The following AQP9 variants were observed in gnomAD, a reference collection of about 807,000 sequenced individuals.
The protein encoded by AQP9 is aquaporin-9.
Under a neutral mutation model 23.8 loss-of-function variants are expected in AQP9, and 19 were observed. The ratio of observed to expected loss-of-function variants is 0.80; its 90% CI spans 0.56 to 1.17. The LOEUF (loss-of-function observed/expected upper bound fraction) is 1.17. AQP9 is among the 50% of genes most tolerant of loss of function. The probability of loss-of-function intolerance (pLI) is 0.00; values close to 1 mark genes in which losing one functional copy is unlikely to be tolerated. For missense variants in AQP9, 413 were observed against 362.0 expected (o/e 1.14, Z -1.14); for synonymous variants, 153 against 131.5 (o/e 1.16, Z -1.12).
At chr15:58,181,600 CAGAA>C (rs2140636446) in intron 5 of AQP9, among the ~76,000 whole-genome samples, 1 of 152,194 alleles carries the variant, frequency 6.6e-6, no homozygotes, top group East Asian at 1.9e-4. Flanking sequence ...TGGAAGGGTG[CAGAA>C]AGAAAGTTGG....
intron 3 of AQP9, among the ~76,000 whole-genome samples, chr15:58,173,846 A>G (rs566325849): frequency 2.0e-5 from 3 of 152,214 alleles, no homozygotes; most frequent in Non-Finnish European, 4.4e-5. Context: ...AGGCCTTTCA[A>G]ACTAAAACAC....
intron 2 of AQP9, among the ~76,000 whole-genome samples, chr15:58,167,386 G>A (rs1278378767): frequency 1.3e-5 from 2 of 152,186 alleles, no homozygotes; most frequent in African/African-American, 2.4e-5. Flanking sequence ...GAAATGATCT[G>A]GTTACCAAAG....
chr15:58,138,868 A>G (rs1897904188), intron 1 of AQP9, 192 bp downstream of exon 1: 2 of 533,094 alleles, frequency 3.8e-6, no homozygotes, highest in East Asian at 3.2e-5. Flanking sequence ...TCAATTACCT[A>G]TTGCATTTAC....
Position 58,179,127 on chromosome 15 carries a change from G to A in AQP9, c.496-1G>A, listed in dbSNP as rs1285740874. On this transcript the variant is annotated splice_acceptor_variant, in intron 4 of 5. Coordinates refer to ENST00000219919, the MANE Select transcript of AQP9 (RefSeq NM_020980.5). LOFTEE classifies it high-confidence loss of function. Reference sequence around the variant, plus strand: ...CCCTGGCTCAACTTCTCCCTCTCCAGGTGGTGGCCACCATGATACTCCTCA... The same window carrying A: ...CCCTGGCTCAACTTCTCCCTCTCCAAGTGGTGGCCACCATGATACTCCTCA... 1 of 1,605,828 alleles carries A rather than the reference G, an allele frequency of 6.2e-7. No homozygotes were observed. The highest frequency in any genetic ancestry group is 8.5e-7 in the Non-Finnish European group (1 of 1,172,502).
chr15:58,158,755 A>T (rs1898314342), intron 1 of AQP9, among the ~76,000 whole-genome samples: 1 of 152,234 alleles, frequency 6.6e-6, no homozygotes, highest in African/African-American at 2.4e-5. Flanking sequence ...CACAAAAGGT[A>T]GATAGAAGAC....
At chr15:58,173,449 C>T (rs558977247) in intron 3 of AQP9, among the ~76,000 whole-genome samples, 9 of 152,144 alleles carry the variant, frequency 5.9e-5, no homozygotes, top group Admixed American at 1.3e-4. Flanking sequence ...TTGTGCCAAG[C>T]CAGCACTGCA....
chr15:58,151,095 C>T (rs760862149), intron 1 of AQP9: 2 of 152,088 alleles, frequency 1.3e-5, no homozygotes, highest in Non-Finnish European at 2.9e-5. Context: ...GAATATTAGT[C>T]TATCAATCCC....
intron 5 of AQP9, among the ~76,000 whole-genome samples, chr15:58,180,198 G>A (rs1898851032): frequency 6.6e-6 from 1 of 152,158 alleles, no homozygotes; most frequent in African/African-American, 2.4e-5. Context: ...CTATGGGGAA[G>A]GAGCTCACTT....
chr15:58,175,978 G>T (rs755270546), intron 4 of AQP9, among the ~76,000 whole-genome samples: 3 of 152,198 alleles, frequency 2.0e-5, no homozygotes, highest in African/African-American at 7.2e-5. Flanking sequence ...GATCCAAGAT[G>T]CAGAGTCTGA....
intron 1 of AQP9, among the ~76,000 whole-genome samples, chr15:58,148,935 C>T (rs1466890868): frequency 6.6e-6 from 1 of 152,140 alleles, no homozygotes; most frequent in Non-Finnish European, 1.5e-5. Flanking sequence ...CGCCTCTTTT[C>T]AAGTACAGCT....
chr15:58,173,346 G>T (rs780421210), intron 3 of AQP9, 141 bp downstream of exon 3: 1 of 1,244,580 alleles, frequency 8.0e-7, no homozygotes, highest in Non-Finnish European at 1.1e-6. Flanking sequence ...TTGAGAAAAT[G>T]AGGCCATATT....
At chr15:58,167,209 T>G (rs1416768019) in intron 2 of AQP9, among the ~76,000 whole-genome samples, 1 of 152,122 alleles carries the variant, frequency 6.6e-6, no homozygotes, top group African/African-American at 2.4e-5. Flanking sequence ...AGAGTCTGGG[T>G]CTCTTGCAAA....
intron 2 of AQP9, among the ~76,000 whole-genome samples, chr15:58,171,459 G>A (rs1331558217): frequency 4.6e-5 from 7 of 152,100 alleles, no homozygotes; most frequent in Non-Finnish European, 1.0e-4. Flanking sequence ...AAGCCTCTGG[G>A]AGAAGAGAAA....
At chr15:58,167,999 A>T (rs1268084489) in intron 2 of AQP9, among the ~76,000 whole-genome samples, 4 of 151,988 alleles carry the variant, frequency 2.6e-5, no homozygotes, top group African/African-American at 9.7e-5. Context: ...TGCTGGGATT[A>T]CAAGTGTAAG....
rs1898775483 is a variant in AQP9, at chr15:58,177,062, G to C, written c.495+2026G>C. ...TAACCGTCAGCAAACCCTGAATGCT[G>C]TCCGTATTCTTAGGCTTTGGAGAGA... On this transcript the variant is annotated intron_variant, in intron 4 of 5. Transcript: ENST00000219919. 2.0e-5 allele frequency among the ~76,000 whole-genome samples: 3 copies of C among 152,268 alleles called. No homozygotes were observed. In the South Asian group the frequency reaches 6.2e-4, roughly 32 times the overall value.
chr15:58,165,781 C>T (rs959043447), intron 1 of AQP9, among the ~76,000 whole-genome samples: 1 of 152,126 alleles, frequency 6.6e-6, no homozygotes, highest in African/African-American at 2.4e-5. Flanking sequence ...CCTCTACCAG[C>T]TGAAGATTGT....
At chr15:58,151,505 A>T (rs1898149030) in intron 1 of AQP9, 1 of 151,822 alleles carries the variant, frequency 6.6e-6, no homozygotes, top group Non-Finnish European at 1.5e-5. Flanking sequence ...CACTAACATC[A>T]CCCCTTCTAA....
chr15:58,179,112 A>C lies in AQP9; in HGVS notation c.496-16A>C. ...GAATGCAGGCTAAAGCCCTGGCTCA[A>C]CTTCTCCCTCTCCAGGTGGTGGCCA... On this transcript the variant is annotated splice_polypyrimidine_tract_variant and intron_variant, in intron 4 of 5. Transcript: ENST00000219919. 2 of 1,577,544 alleles carry C rather than the reference A, an allele frequency of 1.3e-6. No homozygotes were observed. Among genetic ancestry groups the C allele is most frequent in the South Asian group, 1.1e-5 (1 of 90,308 alleles).
intron 1 of AQP9, among the ~76,000 whole-genome samples, chr15:58,143,872 G>A (rs1261501303): frequency 6.6e-6 from 1 of 152,126 alleles, no homozygotes; most frequent in Non-Finnish European, 1.5e-5. Context: ...GGACCTGGTG[G>A]TCCTAGGGTA....
Sources: gnomAD v4.1 joint callset for allele counts (sites outside exome capture counted in the v4.1 genomes callset) on GRCh38, gnomAD v4.1.1 for gene constraint, MANE v1.5 for transcripts, NCBI Gene and HGNC (gene_info 2026-07-23, HGNC 2026-07-21) for gene names.